Variants in EXD1 observed in about 807,000 individuals in gnomAD.
EXD1 encodes the protein piRNA biogenesis protein EXD1.
A neutral mutation model predicts 49.1 loss-of-function variants in EXD1; 63 were observed. The observed-to-expected ratio is 1.28, with a 90% CI of 1.05 to 1.58. The LOEUF is 1.58. Ranked by LOEUF, EXD1 falls within the 40% of genes most tolerant of loss-of-function variation. EXD1 has a pLI of 0.00. For missense variants in EXD1, 748 were observed against 666.0 expected, an observed-to-expected ratio of 1.12 and a Z score of -1.36; for synonymous variants, 234 against 239.2, an observed-to-expected ratio of 0.98 and a Z score of 0.20.
intron 6 of EXD1, among the ~76,000 whole-genome samples, chr15:41,211,038 C>A (rs60461473): frequency 0.16 from 24,518 of 152,090 alleles, 3,638 homozygotes; most frequent in African/African-American, 0.39. Flanking sequence ...CCTCTTCAAA[C>A]TTCCAGAGCA....
intron 11 of EXD1, among the ~76,000 whole-genome samples, chr15:41,184,979 A>G (rs553830430): frequency 2.0e-5 from 3 of 152,284 alleles, no homozygotes; most frequent in South Asian, 2.1e-4. Context: ...GTTGTACCAA[A>G]TGGTAATTGG....
intron 3 of EXD1, among the ~76,000 whole-genome samples, chr15:41,219,197 C>T (rs2047050264): frequency 1.3e-5 from 2 of 152,204 alleles, no homozygotes; most frequent in Admixed American, 1.3e-4. Flanking sequence ...ATTGTACTTA[C>T]TCTTGCTAAA....
chr15:41,210,739 C>T (rs2046909846), intron 6 of EXD1, among the ~76,000 whole-genome samples: 1 of 151,934 alleles, frequency 6.6e-6, no homozygotes, highest in South Asian at 2.1e-4. Context: ...TATAATCTTA[C>T]CCTATTTCAT....
At chr15:41,187,174 A>G (rs957306674) in intron 11 of EXD1, among the ~76,000 whole-genome samples, 2 of 146,780 alleles carry the variant, frequency 1.4e-5, no homozygotes, top group South Asian at 2.2e-4. Flanking sequence ...GTGAGCCACC[A>G]CACCCGGTCT....
chr15:41,222,440 C>A (rs944357817), intron 2 of EXD1, among the ~76,000 whole-genome samples: 43 of 152,224 alleles, frequency 2.8e-4, no homozygotes, highest in African/African-American at 9.1e-4. Flanking sequence ...AACTCCTACT[C>A]AACCAGATGG....
intron 7 of EXD1, among the ~76,000 whole-genome samples, chr15:41,206,068 A>G (rs185532419): frequency 6.6e-6 from 1 of 152,196 alleles, no homozygotes; most frequent in Admixed American, 6.6e-5. Flanking sequence ...GACCTAGGGA[A>G]GAGTGGGTGC....
rs2046519012 is a variant in EXD1, at chr15:41,191,595, T to C, written c.721-10A>G. The C allele has an allele frequency of 1.2e-6, 2 of 1,613,148 alleles. No homozygotes were observed. Among genetic ancestry groups the C allele is most frequent in the South Asian group, 1.1e-5 (1 of 90,916 alleles). The stretch of plus-strand genomic sequence containing the variant: ...GAAGTACATCTGCTACCTGTGGTAT[T>C]TTAAAAAGACAAACAGACCAGTTGA... On this transcript the variant is annotated splice_polypyrimidine_tract_variant and intron_variant, in intron 9 of 11. Coordinates refer to ENST00000458580, the MANE Select transcript of EXD1 (RefSeq NM_001286441.2).
intron 6 of EXD1, 72 bp from the exon 7 acceptor site, chr15:41,209,659 C>T: frequency 7.7e-7 from 1 of 1,295,438 alleles, no homozygotes; most frequent in Non-Finnish European, 1.1e-6. Flanking sequence ...ATGATTGGCA[C>T]AAATACAATG....
At chr15:41,201,298 T>G (rs574006185) in intron 7 of EXD1, among the ~76,000 whole-genome samples, 2 of 152,266 alleles carry the variant, frequency 1.3e-5, no homozygotes, top group South Asian at 4.1e-4. Flanking sequence ...TATTAACAAC[T>G]GGAAATGCTA....
chr15:41,226,251 CA>C (rs199854298), intron 2 of EXD1, among the ~76,000 whole-genome samples, 191 bp downstream of exon 2: 33 of 141,970 alleles, frequency 2.3e-4, no homozygotes, highest in Admixed American at 5.6e-4. Flanking sequence ...GACTCCATCT[CA>C]AAAAAAAAAA....
Position 41,217,092 on chromosome 15 carries a change from C to T in EXD1, c.260+5G>A. The stretch of plus-strand genomic sequence containing the variant: ...ATCATAATTAAGAAAATTATTCCTT[C>T]TTACCTAACAGAAGATGCTTTTGCT... On this transcript the variant is annotated splice_donor_5th_base_variant and intron_variant, in intron 4 of 11. Transcript: ENST00000458580. The T allele has an allele frequency of 6.2e-7, 1 of 1,610,924 alleles. No individual in the cohort carries two copies. The highest frequency in any genetic ancestry group is 2.2e-5 in the East Asian group (1 of 44,858).
At chr15:41,207,831 T>C (rs933375846) in intron 7 of EXD1, among the ~76,000 whole-genome samples, 2 of 151,390 alleles carry the variant, frequency 1.3e-5, no homozygotes, top group African/African-American at 2.4e-5. Flanking sequence ...GCCAACATGG[T>C]GAAACCCCAT....
chr15:41,216,618 C>A (rs370685425), intron 5 of EXD1, 50 bp downstream of exon 5: 296 of 1,543,490 alleles, frequency 1.9e-4, no homozygotes, highest in Non-Finnish European at 2.4e-4. Context: ...GCAACAAGAG[C>A]GAAACTCCAT....
At chr15:41,220,807 T>C (rs2047076762) in intron 2 of EXD1, among the ~76,000 whole-genome samples, 1 of 152,178 alleles carries the variant, frequency 6.6e-6, no homozygotes, top group Non-Finnish European at 1.5e-5. Context: ...CCACTGAATA[T>C]ATTCCTACTA....
intron 2 of EXD1, among the ~76,000 whole-genome samples, chr15:41,222,646 T>C (rs2047107035): frequency 6.7e-6 from 1 of 150,270 alleles, no homozygotes; most frequent in South Asian, 2.1e-4. Flanking sequence ...AAATTTTTTT[T>C]TTTTTTTTTT....
intron 7 of EXD1, 46 bp from the exon 8 acceptor site, chr15:41,196,083 C>A: frequency 7.1e-7 from 1 of 1,417,642 alleles, no homozygotes; most frequent in Non-Finnish European, 9.7e-7. Flanking sequence ...TAAGAAAGAA[C>A]TGAGGAAGGG....
Position 41,184,101 on chromosome 15 carries a change from A to G in EXD1, c.1549T>C (p.Leu517=). 1 of 1,614,150 alleles carries G rather than the reference A, an allele frequency of 6.2e-7. No individual in the cohort carries two copies. The highest frequency in any genetic ancestry group is 8.5e-7 in the Non-Finnish European group (1 of 1,180,012). The change falls in exon 12 of 12, where the codon TTA becomes CTA. Residue 517 remains leucine, a synonymous_variant. Coordinates refer to ENST00000458580, the MANE Select transcript of EXD1 (RefSeq NM_001286441.2). The part of the protein sequence containing the change: ...QLLMVENKED[L]KCTKQAVSMS... ...GAAACAGCCTGTTTTGTGCATTTTA[A>G]ATCTTCCTTGTTTTCCACCATCAAT...
At chr15:41,204,301 A>G (rs1335602083) in intron 7 of EXD1, among the ~76,000 whole-genome samples, 2 of 150,644 alleles carry the variant, frequency 1.3e-5, no homozygotes, top group African/African-American at 4.9e-5. Context: ...CTGTAATCCC[A>G]GCACTTTGGG....
chr15:41,208,376 A>G (rs1471472281), intron 7 of EXD1, among the ~76,000 whole-genome samples: 3 of 150,992 alleles, frequency 2.0e-5, no homozygotes, highest in Admixed American at 6.6e-5. Flanking sequence ...TCTGAAAAAA[A>G]AAAAAAAAAA....
Sources: allele counts gnomAD v4.1 joint callset (sites outside exome capture counted in the v4.1 genomes callset), GRCh38; gene constraint gnomAD v4.1.1; transcripts MANE v1.5; gene names NCBI Gene and HGNC (gene_info 2026-07-23, HGNC 2026-07-21).